DNAH7: variants seen among roughly 807,000 people sequenced by gnomAD.
DNAH7 encodes axonemal beta dynein heavy chain 7.
In DNAH7, 397 loss-of-function variants were observed where a neutral mutation model predicts 444.6. The observed-to-expected ratio is 0.89, with a 90% CI of 0.82 to 0.97. The LOEUF is 0.97. DNAH7 is among the 50% of genes least tolerant of loss of function. DNAH7 has a pLI of 0.00. For synonymous variants in DNAH7, 1,636 were observed against 1,624.4 expected, an observed-to-expected ratio of 1.01 and a Z score of -0.17; for missense variants, 4,902 against 4,800.8, an observed-to-expected ratio of 1.02 and a Z score of -0.62.
chr2:195,956,113 C>G (rs73042509), intron 19 of DNAH7, among the ~76,000 whole-genome samples: 1 of 151,978 alleles, frequency 6.6e-6, no homozygotes, highest in African/African-American at 2.4e-5. Flanking sequence ...ATATAGTTGA[C>G]GTCAATACAG....
chr2:195,811,666 C>A (rs2124868001), intron 51 of DNAH7, among the ~76,000 whole-genome samples: 1 of 151,930 alleles, frequency 6.6e-6, no homozygotes, highest in East Asian at 1.9e-4. Flanking sequence ...TCTTATAATA[C>A]AAAAATTATG....
chr2:195,771,093 G>A (rs558533859), intron 61 of DNAH7, among the ~76,000 whole-genome samples: 3 of 152,092 alleles, frequency 2.0e-5, no homozygotes, highest in South Asian at 4.2e-4. Context: ...AGGCCAAGGC[G>A]GGAGTATCAC....
chr2:196,056,680 C>T (rs1271990056), intron 2 of DNAH7, among the ~76,000 whole-genome samples: 3 of 152,138 alleles, frequency 2.0e-5, no homozygotes, highest in Non-Finnish European at 4.4e-5. Context: ...GCAGGACATA[C>T]CAGTTGCCTA....
At chr2:195,986,922 A>G in intron 14 of DNAH7, 144 bp downstream of exon 14, 1 of 758,054 alleles carries the variant, frequency 1.3e-6, no homozygotes, top group Non-Finnish European at 2.0e-6. Context: ...GTGACACTTA[A>G]AGCCAAGCAG....
chr2:195,877,122 T>C (rs1380489741), intron 36 of DNAH7, among the ~76,000 whole-genome samples: 1 of 152,216 alleles, frequency 6.6e-6, no homozygotes, highest in African/African-American at 2.4e-5. Flanking sequence ...ATAACTGTAT[T>C]TTCAAAATGG....
chr2:195,943,404 G>A (rs1203982457), intron 19 of DNAH7, among the ~76,000 whole-genome samples: 1 of 152,152 alleles, frequency 6.6e-6, no homozygotes, highest in African/African-American at 2.4e-5. Context: ...TGGAAACTGT[G>A]ATAATGAGTA....
chr2:196,021,382 T>C (rs1695371901), intron 8 of DNAH7, among the ~76,000 whole-genome samples: 1 of 152,186 alleles, frequency 6.6e-6, no homozygotes, highest in Admixed American at 6.5e-5. Context: ...ATGGAGATAT[T>C]GCAAGTTTGG....
intron 57 of DNAH7, among the ~76,000 whole-genome samples, chr2:195,791,360 G>A (rs551163317): frequency 2.7e-5 from 4 of 149,896 alleles, no homozygotes; most frequent in South Asian, 2.1e-4. Flanking sequence ...CCAGCTACTC[G>A]GGAGGCTGAA....
intron 1 of DNAH7, among the ~76,000 whole-genome samples, chr2:196,064,983 A>C (rs1169925751): frequency 6.6e-6 from 1 of 152,200 alleles, no homozygotes; most frequent in Admixed American, 6.5e-5. Flanking sequence ...ATAAATATAT[A>C]TGTGCATCTC....
At chr2:195,895,861 T>C (rs1017408137) in intron 29 of DNAH7, among the ~76,000 whole-genome samples, 16 of 152,192 alleles carry the variant, frequency 1.1e-4, no homozygotes, top group Admixed American at 1.0e-3. Flanking sequence ...TATTTTGAGA[T>C]TCAAACATGT....
intron 64 of DNAH7, 58 bp downstream of exon 64, chr2:195,740,705 TATA>T (rs1441407657): frequency 3.6e-6 from 2 of 555,510 alleles, no homozygotes; most frequent in Non-Finnish European, 5.2e-6. Flanking sequence ...CTATTTTATA[TATA>T]ATATATAAAA....
At chr2:195,849,945 G>A (rs1281072949) in intron 46 of DNAH7, among the ~76,000 whole-genome samples, 4 of 152,202 alleles carry the variant, frequency 2.6e-5, no homozygotes, top group African/African-American at 7.2e-5. Flanking sequence ...GCTGTAGGTT[G>A]GCCTACAGAC....
chr2:195,979,803 T>C (rs1692442541), intron 15 of DNAH7, among the ~76,000 whole-genome samples: 1 of 151,480 alleles, frequency 6.6e-6, no homozygotes, highest in South Asian at 2.1e-4. Flanking sequence ...ACCACAGAAA[T>C]TCAGAGGATC....
intron 21 of DNAH7, among the ~76,000 whole-genome samples, chr2:195,934,053 G>A (rs905664372): frequency 2.6e-5 from 4 of 151,438 alleles, no homozygotes; most frequent in African/African-American, 7.3e-5. Flanking sequence ...TTTATTTATT[G>A]GTGTGCCTTG....
chr2:196,001,903 T>C lies in DNAH7; in HGVS notation c.990-45A>G, dbSNP rs115909726. 1.1e-3 allele frequency: 1,555 copies of C among 1,477,610 alleles called. 12 individuals are homozygous for C. In the African/African-American group the frequency reaches 0.02, roughly 19 times the overall value. 91.5% of individuals were successfully genotyped at this position (1,477,610 alleles called of 1,614,324 possible). On this transcript the variant is annotated intron_variant, in intron 10 of 64. Coordinates refer to ENST00000312428, the MANE Select transcript of DNAH7 (RefSeq NM_018897.3). The stretch of plus-strand genomic sequence containing the variant: ...TTTAAAAGTCAGTGCTTTCAGTGAA[T>C]TACTCCTTTTATATTAAGCATTAAC...
At chr2:195,767,174 A>G (rs1024496400) in intron 61 of DNAH7, among the ~76,000 whole-genome samples, 2 of 152,048 alleles carry the variant, frequency 1.3e-5, no homozygotes, top group African/African-American at 4.8e-5. Context: ...TTTCATTTAA[A>G]TTTTTTAAGC....
intron 12 of DNAH7, among the ~76,000 whole-genome samples, chr2:195,991,674 T>C (rs1425950118): frequency 6.6e-6 from 1 of 152,242 alleles, no homozygotes; most frequent in Non-Finnish European, 1.5e-5. Context: ...GTCATGCTAA[T>C]GTGTTGCCCT....
rs1016281235 is a variant in DNAH7, at chr2:195,737,717, C to G, written c.*204G>C. The G allele has an allele frequency of 4.5e-5, 19 of 425,978 alleles. No homozygotes were observed. Among genetic ancestry groups the G allele is most frequent in the Non-Finnish European group, 7.2e-5 (17 of 235,822 alleles). 26.4% of individuals were successfully genotyped at this position (425,978 alleles called of 1,614,324 possible). A position where few individuals can be genotyped will look rare whatever the true frequency, so the allele number is the denominator to read the frequency against. ...GAGAGCAAATATGCCAGTGTGTTTTCTTTAGTCTTTATTTCAGAACATTTC... is the reference window on the plus strand; with the variant it reads ...GAGAGCAAATATGCCAGTGTGTTTTGTTTAGTCTTTATTTCAGAACATTTC... On this transcript the variant is annotated 3_prime_UTR_variant, in exon 65 of 65. Transcript: ENST00000312428.
chr2:195,836,216 T>C (rs945899902), intron 47 of DNAH7, among the ~76,000 whole-genome samples: 1 of 152,172 alleles, frequency 6.6e-6, no homozygotes, highest in Non-Finnish European at 1.5e-5. Context: ...TAGTTACCTC[T>C]TTAAAGGACC....
Sources: allele counts gnomAD v4.1 joint callset (sites outside exome capture counted in the v4.1 genomes callset), GRCh38; gene constraint gnomAD v4.1.1; transcripts MANE v1.5; gene names NCBI Gene and HGNC (gene_info 2026-07-23, HGNC 2026-07-21).